Variants in SEC23A observed in about 807,000 individuals in gnomAD.
The protein encoded by SEC23A is SEC23 homolog A, COPII component, also known as protein transport protein Sec23A.
Under a neutral mutation model 103.7 loss-of-function variants are expected in SEC23A, and 56 were observed. The observed-to-expected ratio is 0.54, with a 90% CI of 0.44 to 0.67. The LOEUF is 0.67. Among genes scored for constraint, SEC23A ranks in the 30% least tolerant of loss-of-function variants. The pLI is 0.00. For synonymous variants in SEC23A, 281 were observed against 293.0 expected (o/e 0.96, Z 0.42); for missense variants, 784 against 936.4 (o/e 0.84, Z 2.12).
Position 39,090,942 on chromosome 14 carries a change from T to C in SEC23A, c.603+535A>G, listed in dbSNP as rs181009619. 4.8e-4 allele frequency: 155 copies of C among 324,972 alleles called. 1 individual carries two copies. The highest frequency in any genetic ancestry group is 7.3e-4 in the Non-Finnish European group (124 of 170,214). The allele number at this position is 324,972 out of a possible 1,614,324, so 20.1% of individuals were successfully genotyped here. A position where few individuals can be genotyped will look rare whatever the true frequency, so the allele number is the denominator to read the frequency against. On this transcript the variant is annotated intron_variant, in intron 5 of 19. Coordinates refer to ENST00000307712, the MANE Select transcript of SEC23A (RefSeq NM_006364.4). ...TCAACATCAGGAGCTTCATCTGCAA[T>C]GTAGGGGCTGGTGGACCTGCTCCAA...
chr14:39,090,970 G>C (rs1401183993), intron 5 of SEC23A: 1 of 343,224 alleles, frequency 2.9e-6, no homozygotes, highest in Non-Finnish European at 5.5e-6. Context: ...TGCTCCAACA[G>C]TTGGTGCTGC....
intron 11 of SEC23A, among the ~76,000 whole-genome samples, chr14:39,064,125 G>A (rs533578827): frequency 2.0e-4 from 30 of 151,788 alleles, no homozygotes; most frequent in South Asian, 1.9e-3. Context: ...ATGCATTTAC[G>A]AACACATGTT....
chr14:39,100,412 T>C (rs950960781), intron 1 of SEC23A, among the ~76,000 whole-genome samples: 9 of 84,508 alleles, frequency 1.1e-4, no homozygotes, highest in African/African-American at 3.9e-4. Context: ...ACAAGCCAAC[T>C]TAACTTTTTT....
rs553521167 is a variant in SEC23A, at chr14:39,049,203, C to T, written c.1660-474G>A. Among the ~76,000 whole-genome samples the T allele has an allele frequency of 5.3e-5, 8 of 150,418 alleles. No individual in the cohort carries two copies. The East Asian group carries it at 5.9e-4, about 11-fold the overall frequency. ...AAAAAAAAAAAAAATTGTGGCCGGGCGCAGTGGCTCACACCTGTAATCCCA... is the reference window on the plus strand; with the variant it reads ...AAAAAAAAAAAAAATTGTGGCCGGGTGCAGTGGCTCACACCTGTAATCCCA... On this transcript the variant is annotated intron_variant, in intron 14 of 19. Coordinates refer to ENST00000307712, the MANE Select transcript of SEC23A (RefSeq NM_006364.4).
rs1257150971 is a variant in SEC23A, at chr14:39,091,670, G to A, written c.410C>T (p.Thr137Ile). The A allele has an allele frequency of 3.7e-6, 6 of 1,613,834 alleles. No individual in the cohort carries two copies. The Admixed American group carries it at 5.0e-5, about 13-fold the overall frequency. The change falls in exon 5 of 20, where the codon ACT becomes ATT. Residue 137 changes from threonine (T) to isoleucine (I), a missense_variant. By Grantham distance (89) the Thr-to-Ile change is moderately conservative. Transcript: ENST00000307712. ...MPLIFLYVVD[T>I]CMEDEDLQAL... ...TTGTAAATCTTCATCTTCCATGCAA[G>A]TATCAACCACATAGAGGAATATCAA...
At chr14:39,053,060 A>G (rs1886121520) in intron 14 of SEC23A, among the ~76,000 whole-genome samples, 1 of 152,194 alleles carries the variant, frequency 6.6e-6, no homozygotes, top group South Asian at 2.1e-4. Context: ...ACGTGAACCC[A>G]GGAGGCAGAG....
intron 19 of SEC23A, among the ~76,000 whole-genome samples, chr14:39,036,656 A>G (rs9322992): frequency 0.21 from 31,783 of 152,048 alleles, 3,862 homozygotes; most frequent in Middle Eastern, 0.33. Context: ...TAACGTCCAT[A>G]TACTGCTTAT....
intron 18 of SEC23A, 145 bp downstream of exon 18, chr14:39,040,587 A>T: frequency 1.0e-6 from 1 of 1,004,442 alleles, no homozygotes; most frequent in Non-Finnish European, 1.5e-6. Flanking sequence ...CTAATGCAAA[A>T]AGTAAGCACT....
At position 39,067,603 on chromosome 14, in the gene SEC23A, G is replaced by GTA. The variant is rs1480133196; in HGVS notation, c.1104-309_1104-308dup. On this transcript the variant is annotated intron_variant, in intron 9 of 19. Coordinates refer to ENST00000307712, the MANE Select transcript of SEC23A (RefSeq NM_006364.4). ...TACAAAATTCAAAAGGTACAGAAGA[G>GTA]TATATAGTAACAAATGTTCTCCATA... Among the ~76,000 whole-genome samples the GTA allele has an allele frequency of 2.7e-5, 4 of 149,662 alleles. No individual in the cohort carries two copies. In the South Asian group the frequency reaches 6.3e-4, roughly 24 times the overall value.
At chr14:39,097,179 C>G (rs572839570) in intron 1 of SEC23A, among the ~76,000 whole-genome samples, 18 of 152,120 alleles carry the variant, frequency 1.2e-4, no homozygotes, top group Non-Finnish European at 2.5e-4. Flanking sequence ...TGGGGAGGGA[C>G]CAGTATCAAA....
At chr14:39,082,731 C>T (rs1887270232) in intron 7 of SEC23A, among the ~76,000 whole-genome samples, 1 of 152,160 alleles carries the variant, frequency 6.6e-6, no homozygotes, top group South Asian at 2.1e-4. Flanking sequence ...AAACCATGTG[C>T]CACCTGTAAA....
intron 5 of SEC23A, chr14:39,088,569 C>T (rs991656748): frequency 2.0e-5 from 3 of 151,908 alleles, no homozygotes; most frequent in African/African-American, 7.3e-5. Context: ...ACCAACTCTA[C>T]TAAAAATACA....
intron 14 of SEC23A, 110 bp downstream of exon 14, chr14:39,055,033 T>C (rs1024356292): frequency 3.2e-6 from 4 of 1,250,908 alleles, no homozygotes; most frequent in African/African-American, 1.5e-5. Context: ...GAGTTTCTCA[T>C]ACAGTATTTC....
At chr14:39,055,430 C>CA in intron 13 of SEC23A, 134 bp from the exon 14 acceptor site, 1 of 768,218 alleles carries the variant, frequency 1.3e-6, no homozygotes, top group South Asian at 1.7e-5. Context: ...TTTTTTGAGA[C>CA]AGAGTCTCGC....
At chr14:39,061,246 C>G (rs1435816333) in intron 13 of SEC23A, among the ~76,000 whole-genome samples, 3 of 152,046 alleles carry the variant, frequency 2.0e-5, no homozygotes, top group African/African-American at 7.2e-5. Context: ...CTCTATACCA[C>G]ACTGTCATAC....
intron 19 of SEC23A, among the ~76,000 whole-genome samples, chr14:39,033,978 T>C (rs902263807): frequency 3.0e-4 from 45 of 152,188 alleles, no homozygotes; most frequent in African/African-American, 1.0e-3. Flanking sequence ...TTATAAATAT[T>C]CAAAGTCTAA....
intron 15 of SEC23A, chr14:39,047,494 A>C: frequency 1.2e-6 from 1 of 814,466 alleles, no homozygotes; most frequent in Non-Finnish European, 1.7e-6. Context: ...GATCCTCAAA[A>C]CAAAAACAAC....
intron 9 of SEC23A, among the ~76,000 whole-genome samples, chr14:39,072,062 T>A (rs1056226571): frequency 6.6e-6 from 1 of 151,834 alleles, no homozygotes; most frequent in Non-Finnish European, 1.5e-5. Flanking sequence ...AATGAAACCC[T>A]GTCTCTACTA....
chr14:39,049,649 G>A (rs1885978242), intron 14 of SEC23A, among the ~76,000 whole-genome samples: 1 of 151,762 alleles, frequency 6.6e-6, no homozygotes, highest in Admixed American at 6.6e-5. Flanking sequence ...ATGGTTGCAC[G>A]TGACTATAGT....
Sources: allele counts gnomAD v4.1 joint callset (sites outside exome capture counted in the v4.1 genomes callset), GRCh38; gene constraint gnomAD v4.1.1; transcripts MANE v1.5; gene names NCBI Gene and HGNC (gene_info 2026-07-23, HGNC 2026-07-21).